Variants in GRM7 observed in about 807,000 individuals in gnomAD.
The protein encoded by GRM7 is metabotropic glutamate receptor 7.
Under a neutral mutation model 84.5 loss-of-function variants are expected in GRM7, and 35 were observed. The ratio of observed to expected loss-of-function variants is 0.41; its 90% CI spans 0.32 to 0.55. The LOEUF is 0.55. Ranked by LOEUF, GRM7 falls within the 20% of genes least tolerant of loss-of-function variation. The pLI is 0.19. For synonymous variants in GRM7, 487 were observed against 455.1 expected (o/e 1.07, Z -0.89); for missense variants, 1,003 against 1,194.6 (o/e 0.84, Z 2.36).
At chr3:7,620,520 C>A (rs1418278863) in intron 8 of GRM7, among the ~76,000 whole-genome samples, 1 of 152,086 alleles carries the variant, frequency 6.6e-6, no homozygotes, top group Non-Finnish European at 1.5e-5. Flanking sequence ...ATGAGAAGAA[C>A]AGCAGTCCTC....
intron 8 of GRM7, among the ~76,000 whole-genome samples, chr3:7,636,049 T>G (rs1698079540): frequency 6.6e-6 from 1 of 152,190 alleles, no homozygotes; most frequent in Non-Finnish European, 1.5e-5. Flanking sequence ...TTTGAAAATA[T>G]GTTATATTAT....
chr3:7,640,541 C>T (rs774690858), intron 8 of GRM7, among the ~76,000 whole-genome samples: 62 of 152,038 alleles, frequency 4.1e-4, no homozygotes, highest in Non-Finnish European at 7.4e-4. Flanking sequence ...GGAATGTGAT[C>T]CATGTTGAAA....
intron 4 of GRM7, among the ~76,000 whole-genome samples, chr3:7,383,532 A>C (rs943033627): frequency 2.1e-4 from 32 of 152,230 alleles, no homozygotes; most frequent in Non-Finnish European, 3.7e-4. Flanking sequence ...ATACTTCTCT[A>C]TTGAATTATT....
At chr3:6,899,605 T>A (rs965098959) in intron 1 of GRM7, among the ~76,000 whole-genome samples, 1 of 152,188 alleles carries the variant, frequency 6.6e-6, no homozygotes, top group African/African-American at 2.4e-5. Context: ...AAGGTCAAGT[T>A]ACTCATAGGC....
intron 1 of GRM7, among the ~76,000 whole-genome samples, chr3:7,129,830 A>G (rs1693531726): frequency 6.6e-6 from 1 of 152,212 alleles, no homozygotes; most frequent in Non-Finnish European, 1.5e-5. Flanking sequence ...CATATTTTCA[A>G]GCAATTGTTA....
At chr3:7,695,996 G>C (rs1214318134) in intron 9 of GRM7, among the ~76,000 whole-genome samples, 2 of 152,128 alleles carry the variant, frequency 1.3e-5, no homozygotes, top group East Asian at 3.9e-4. Context: ...GGCACATGTA[G>C]CTAGCAGCTC....
chr3:7,689,600 G>A lies in GRM7; in HGVS notation c.2698+9305G>A, dbSNP rs12629232. Among the ~76,000 whole-genome samples, 113 of 152,198 alleles carry A rather than the reference G, an allele frequency of 7.4e-4. No homozygotes were observed. The East Asian group carries it at 9.3e-3, about 12-fold the overall frequency. On this transcript the variant is annotated intron_variant, in intron 9 of 9. Coordinates refer to ENST00000357716, the MANE Select transcript of GRM7 (RefSeq NM_000844.4). ...CTTCAAAATCCAATTAATATCTGCCGTCTTGGTTCTGCAACTGCCGTCTTA... is the reference window on the plus strand; with the variant it reads ...CTTCAAAATCCAATTAATATCTGCCATCTTGGTTCTGCAACTGCCGTCTTA...
chr3:7,330,362 G>A (rs1701155498), intron 4 of GRM7, among the ~76,000 whole-genome samples: 1 of 152,126 alleles, frequency 6.6e-6, no homozygotes, highest in Non-Finnish European at 1.5e-5. Flanking sequence ...TACAGGGACT[G>A]CAAGCTGACC....
intron 5 of GRM7, among the ~76,000 whole-genome samples, chr3:7,449,184 T>C (rs538762201): frequency 6.6e-6 from 1 of 152,084 alleles, no homozygotes; most frequent in South Asian, 2.1e-4. Context: ...AGCTTTTATA[T>C]ATAGATGAAA....
At chr3:6,912,617 C>A (rs548010723) in intron 1 of GRM7, among the ~76,000 whole-genome samples, 1 of 152,112 alleles carries the variant, frequency 6.6e-6, no homozygotes, top group Non-Finnish European at 1.5e-5. Flanking sequence ...TGTTAGGAAG[C>A]TTTAACTTCA....
intron 1 of GRM7, among the ~76,000 whole-genome samples, chr3:6,991,381 A>G (rs1694628843): frequency 1.3e-5 from 2 of 152,160 alleles, no homozygotes; most frequent in African/African-American, 2.4e-5. Context: ...CCTAGAGCTA[A>G]GGAGAAACGC....
intron 1 of GRM7, among the ~76,000 whole-genome samples, chr3:7,029,930 C>T (rs73112810): frequency 0.064 from 9,709 of 152,022 alleles, 1,006 homozygotes; most frequent in African/African-American, 0.22. Context: ...GCATTCATTC[C>T]ACTTCTAGGT....
intron 1 of GRM7, among the ~76,000 whole-genome samples, chr3:6,906,501 T>C (rs1386672033): frequency 6.6e-6 from 1 of 152,204 alleles, no homozygotes; most frequent in Non-Finnish European, 1.5e-5. Flanking sequence ...TTATTCTTAT[T>C]CAGTTTGATG....
intron 1 of GRM7, among the ~76,000 whole-genome samples, chr3:6,969,248 C>T (rs557957517): frequency 6.6e-6 from 1 of 152,258 alleles, no homozygotes; most frequent in East Asian, 1.9e-4. Flanking sequence ...TGAAAATTAT[C>T]TATCTCTGCC....
chr3:7,046,827 A>G (rs1174390489), intron 1 of GRM7, among the ~76,000 whole-genome samples: 1 of 152,080 alleles, frequency 6.6e-6, no homozygotes, highest in East Asian at 1.9e-4. Context: ...TCATTCCCAC[A>G]AAGTATTGCA....
intron 2 of GRM7, among the ~76,000 whole-genome samples, chr3:7,181,184 C>T (rs1294842151): frequency 6.6e-6 from 1 of 152,090 alleles, no homozygotes. Flanking sequence ...AAACCATTAC[C>T]CTTCTCTTCT....
At chr3:7,418,317 A>G (rs941523286) in intron 5 of GRM7, among the ~76,000 whole-genome samples, 1 of 152,174 alleles carries the variant, frequency 6.6e-6, no homozygotes, top group Non-Finnish European at 1.5e-5. Flanking sequence ...CATCCTGCTC[A>G]TGGGATATAT....
chr3:7,006,439 G>T (rs942802196), intron 1 of GRM7, among the ~76,000 whole-genome samples: 2 of 152,100 alleles, frequency 1.3e-5, no homozygotes, highest in African/African-American at 4.8e-5. Flanking sequence ...GTCATTTCTT[G>T]GTAAGTTGAT....
chr3:7,737,064 G>A (rs759592421), intron 9 of GRM7, among the ~76,000 whole-genome samples: 13 of 152,164 alleles, frequency 8.5e-5, no homozygotes, highest in Non-Finnish European at 1.3e-4. Context: ...TCTGGGTTAC[G>A]CGTGTTCCAT....
Sources: allele counts gnomAD v4.1 joint callset (sites outside exome capture counted in the v4.1 genomes callset), GRCh38; gene constraint gnomAD v4.1.1; transcripts MANE v1.5; gene names NCBI Gene and HGNC (gene_info 2026-07-23, HGNC 2026-07-21).